CTTNBP2: variants seen among roughly 807,000 people sequenced by gnomAD.
The protein encoded by CTTNBP2 is cortactin-binding protein 2.
CTTNBP2 carries 108 observed loss-of-function variants against 156.9 expected under a neutral mutation model. The ratio of observed to expected loss-of-function variants is 0.69; its 90% confidence interval spans 0.59 to 0.81. The LOEUF (loss-of-function observed/expected upper bound fraction) is 0.81. Among genes scored for constraint, CTTNBP2 ranks in the 30% least tolerant of loss-of-function variants. The pLI, the probability that CTTNBP2 is intolerant of heterozygous loss-of-function variation, is 0.00. For missense variants in CTTNBP2, 1,924 were observed against 2,035.4 expected (o/e 0.95, Z 1.05); for synonymous variants, 767 against 751.8 (o/e 1.02, Z -0.33).
intron 12 of CTTNBP2, among the ~76,000 whole-genome samples, chr7:117,746,651 C>T (rs1796349508): frequency 1.3e-5 from 2 of 152,116 alleles, no homozygotes; most frequent in Admixed American, 6.6e-5. Flanking sequence ...AAGATGGGTA[C>T]ATGAGTGTCA....
intron 15 of CTTNBP2, 72 bp from the exon 16 acceptor site, chr7:117,735,172 C>T (rs1045286298): frequency 1.1e-5 from 18 of 1,586,070 alleles, no homozygotes; most frequent in South Asian, 6.8e-5. Context: ...ATTAAAATAA[C>T]GTAAAGAACA....
At chr7:117,822,060 T>C (rs1026276585) in intron 2 of CTTNBP2, among the ~76,000 whole-genome samples, 6 of 152,188 alleles carry the variant, frequency 3.9e-5, no homozygotes, top group Non-Finnish European at 8.8e-5. Flanking sequence ...TTTTTGATAG[T>C]GAACTCAATT....
At chr7:117,720,778 C>T (rs1201693895) in intron 20 of CTTNBP2, among the ~76,000 whole-genome samples, 1 of 152,152 alleles carries the variant, frequency 6.6e-6, no homozygotes, top group Non-Finnish European at 1.5e-5. Flanking sequence ...AATGCATAAA[C>T]AAAATTTGAT....
At chr7:117,760,244 A>T (rs1797126252) in intron 10 of CTTNBP2, 191 bp downstream of exon 10, 1 of 587,452 alleles carries the variant, frequency 1.7e-6, no homozygotes, top group African/African-American at 1.9e-5. Flanking sequence ...GGGGCATAAA[A>T]GCATTTTTAT....
chr7:117,725,355 C>T (rs1795033369), intron 17 of CTTNBP2, 98 bp from the exon 18 acceptor site: 7 of 1,098,238 alleles, frequency 6.4e-6, no homozygotes, highest in South Asian at 4.1e-5. Flanking sequence ...GGGGAAAAAA[C>T]GTTAAGTGTT....
intron 1 of CTTNBP2, among the ~76,000 whole-genome samples, chr7:117,867,932 T>C (rs1804319645): frequency 6.6e-6 from 1 of 152,144 alleles, no homozygotes; most frequent in Non-Finnish European, 1.5e-5. Context: ...AACCTGGTAA[T>C]GGATGTAACT....
chr7:117,863,046 T>C (rs1584577429), intron 1 of CTTNBP2, among the ~76,000 whole-genome samples: 1 of 152,302 alleles, frequency 6.6e-6, no homozygotes, highest in East Asian at 1.9e-4. Flanking sequence ...CACAAAAGTA[T>C]ACATAGCAAA....
intron 2 of CTTNBP2, among the ~76,000 whole-genome samples, chr7:117,820,149 T>G (rs1800868455): frequency 6.6e-6 from 1 of 152,250 alleles, no homozygotes; most frequent in Admixed American, 6.5e-5. Context: ...ATTCCCTAAC[T>G]AGGTCAAGAA....
chr7:117,735,314 G>A lies in CTTNBP2; in HGVS notation c.3643C>T (p.Pro1215Ser), dbSNP rs770139774. ...LSELLRDFLA[P>S]LENRSTESPC... ...CTTTCAGTGCTGCGATTTTCAAGAG[G>A]TGCCAAAAAGTCCCTCAATAACTCC... The change falls in exon 15 of 23, where the codon CCT becomes TCT. Residue 1215 changes from proline to serine, a missense_variant. Transcript: ENST00000160373. The A allele has an allele frequency of 1.9e-6, 3 of 1,613,922 alleles. No individual in the cohort carries two copies. The highest frequency in any genetic ancestry group is 2.2e-5 in the East Asian group (1 of 44,888).
chr7:117,822,283 A>C (rs1801012009), intron 2 of CTTNBP2, among the ~76,000 whole-genome samples: 1 of 151,812 alleles, frequency 6.6e-6, no homozygotes, highest in Non-Finnish European at 1.5e-5. Context: ...TTTCTTGTTC[A>C]TTCTAGCTAG....
intron 3 of CTTNBP2, among the ~76,000 whole-genome samples, chr7:117,802,430 G>A: frequency 1.7e-5 from 2 of 118,528 alleles, no homozygotes; most frequent in African/African-American, 6.5e-5. Context: ...CTAGACTTCA[G>A]CATTGGCAAA....
intron 19 of CTTNBP2, among the ~76,000 whole-genome samples, chr7:117,724,284 A>C (rs1298005123): frequency 6.6e-6 from 1 of 152,214 alleles, no homozygotes; most frequent in Non-Finnish European, 1.5e-5. Context: ...AAGAGAAACA[A>C]AATAATAAAT....
At chr7:117,836,931 T>C (rs2117110105) in intron 2 of CTTNBP2, among the ~76,000 whole-genome samples, 1 of 152,290 alleles carries the variant, frequency 6.6e-6, no homozygotes, top group East Asian at 1.9e-4. Flanking sequence ...CCACAACACG[T>C]GGGAATTATG....
At chr7:117,842,029 C>A (rs1802305529) in intron 2 of CTTNBP2, among the ~76,000 whole-genome samples, 1 of 152,088 alleles carries the variant, frequency 6.6e-6, no homozygotes, top group Admixed American at 6.5e-5. Context: ...CTGGGTTGAA[C>A]CCCAGTTTCT....
At chr7:117,800,688 T>C (rs540929948) in intron 3 of CTTNBP2, among the ~76,000 whole-genome samples, 1 of 152,096 alleles carries the variant, frequency 6.6e-6, no homozygotes, top group African/African-American at 2.4e-5. Context: ...GAGTCATAAA[T>C]AGAAAAAGGA....
chr7:117,718,010 A>C lies in CTTNBP2; in HGVS notation c.4746+8T>G, dbSNP rs180805778. 1 of 1,547,588 alleles carries C rather than the reference A, an allele frequency of 6.5e-7. No homozygotes were observed. Among genetic ancestry groups the C allele is most frequent in the East Asian group, 2.2e-5 (1 of 44,536 alleles). ...CTTTGTTCACTTTGGGGAGAAAGGG[A>C]CACTTACCTTTTGTGACACTGGCAT... On this transcript the variant is annotated splice_region_variant and intron_variant, in intron 22 of 22. Transcript: ENST00000160373.
At position 117,777,652 on chromosome 7, in the gene CTTNBP2, G is replaced by T; in HGVS notation, c.2637C>A (p.Ser879=). Residue 879 remains serine (S), a synonymous_variant, in exon 8 of 23, where the codon TCC becomes TCA. Transcript: ENST00000160373. ...AHGNSFNEEE[S]ESSVFDLDGG... The stretch of plus-strand genomic sequence containing the variant: ...CATCCAAGTCAAAGACACTTGACTC[G>T]GACTCCTCCTCATTGAAAGAATTTC... The T allele has an allele frequency of 6.2e-7, 1 of 1,613,950 alleles. No homozygotes were observed. The highest frequency in any genetic ancestry group is 8.5e-7 in the Non-Finnish European group (1 of 1,179,988).
At chr7:117,811,248 T>C (rs963888063) in intron 2 of CTTNBP2, among the ~76,000 whole-genome samples, 4 of 152,170 alleles carry the variant, frequency 2.6e-5, no homozygotes, top group Admixed American at 6.6e-5. Flanking sequence ...TTATTTCCTA[T>C]GGTGCCCTAC....
intron 20 of CTTNBP2, 121 bp downstream of exon 20, chr7:117,720,946 T>TGG: frequency 1.3e-6 from 1 of 745,966 alleles, no homozygotes; most frequent in Non-Finnish European, 2.4e-6. Flanking sequence ...ATATATAACT[T>TGG]TTTTAAAACC....
Sources: gnomAD v4.1 joint callset for allele counts (sites outside exome capture counted in the v4.1 genomes callset) on GRCh38, gnomAD v4.1.1 for gene constraint, MANE v1.5 for transcripts, NCBI Gene and HGNC (gene_info 2026-07-23, HGNC 2026-07-21) for gene names.